CCDC66: variants seen among roughly 807,000 people sequenced by gnomAD.
The protein encoded by CCDC66 is coiled-coil domain containing 66.
In CCDC66, 133 loss-of-function variants were observed where a neutral mutation model predicts 128.3. That is an observed-to-expected ratio of 1.04 (90% CI 0.90 to 1.20). CCDC66 has a LOEUF of 1.20. CCDC66 is among the 50% of genes most tolerant of loss of function. The probability of loss-of-function intolerance (pLI) is 0.00; values close to 1 mark genes in which losing one functional copy is unlikely to be tolerated. For synonymous variants in CCDC66, 387 were observed against 357.0 expected (o/e 1.08, Z -0.95); for missense variants, 1,126 against 1,075.5 (o/e 1.05, Z -0.66).
Position 56,617,533 on chromosome 3 carries a change from C to T in CCDC66, c.2265C>T (p.Gly755=). ...CTGGGCACCTCTCTCAAAACAGAGG[C>T]ATTTCACCAGAAATTTTTCATTCAT... ...NNPGHLSQNR[G]ISPEIFHSSH... is the part of the protein sequence containing the mutation. The change falls in exon 14 of 18, where the codon GGC becomes GGT. Residue 755 remains glycine, a synonymous_variant. Transcript: ENST00000394672. 1 of 1,610,868 alleles carries T rather than the reference C, an allele frequency of 6.2e-7. No homozygotes were observed. Among genetic ancestry groups the T allele is most frequent in the Non-Finnish European group, 8.5e-7 (1 of 1,179,318 alleles).
At chr3:56,563,550 G>C (rs1433203165) in intron 3 of CCDC66, 134 bp from the exon 4 acceptor site, 5 of 639,838 alleles carry the variant, frequency 7.8e-6, no homozygotes, top group Non-Finnish European at 1.3e-5. Flanking sequence ...TTAAGAGTTA[G>C]TTTCTTATGG....
intron 7 of CCDC66, among the ~76,000 whole-genome samples, chr3:56,575,196 C>G (rs1309221606): frequency 2.0e-5 from 3 of 151,872 alleles, no homozygotes; most frequent in East Asian, 2.0e-4. Context: ...AGCAGCTGTA[C>G]CATGTATATT....
intron 7 of CCDC66, among the ~76,000 whole-genome samples, chr3:56,590,033 A>G (rs570634762): frequency 6.6e-6 from 1 of 152,276 alleles, no homozygotes; most frequent in East Asian, 1.9e-4. Context: ...TTCCTCCTGT[A>G]AGGTAATGAA....
At chr3:56,567,288 G>T (rs906790608) in intron 6 of CCDC66, among the ~76,000 whole-genome samples, 12 of 152,190 alleles carry the variant, frequency 7.9e-5, no homozygotes, top group Non-Finnish European at 1.6e-4. Context: ...TACTCGGGAG[G>T]CTGAGGCAGG....
chr3:56,618,067 C>G, intron 14 of CCDC66, 105 bp from the exon 15 acceptor site: 1 of 918,760 alleles, frequency 1.1e-6, no homozygotes, highest in Non-Finnish European at 1.8e-6. Flanking sequence ...ACCTGTTATT[C>G]AAATATTACC....
chr3:56,581,745 C>G (rs553551389), intron 7 of CCDC66, among the ~76,000 whole-genome samples: 7 of 151,874 alleles, frequency 4.6e-5, no homozygotes, highest in Non-Finnish European at 7.3e-5. Context: ...TGCAGAACAG[C>G]AAATGTTGCT....
At position 56,571,317 on chromosome 3, in the gene CCDC66, T is replaced by C. The variant is rs2066579691; in HGVS notation, c.936+15T>C. The C allele has an allele frequency of 6.8e-7, 1 of 1,461,678 alleles. No homozygotes were observed. Among genetic ancestry groups the C allele is most frequent in the Non-Finnish European group, 9.4e-7 (1 of 1,069,052 alleles). The allele number at this position is 1,461,678 out of a possible 1,614,324, so 90.5% of individuals were successfully genotyped here. On this transcript the variant is annotated intron_variant, in intron 7 of 17. Transcript: ENST00000394672. ...ACCAATCTAGGGTAAGACATCTTAA[T>C]TGCAATTTTTAAAATACTAAGCAGT...
At chr3:56,559,202 T>G (rs1010228412) in intron 2 of CCDC66, among the ~76,000 whole-genome samples, 1 of 152,174 alleles carries the variant, frequency 6.6e-6, no homozygotes, top group African/African-American at 2.4e-5. Context: ...CAAGTAAAAT[T>G]TATGTAATTA....
intron 10 of CCDC66, among the ~76,000 whole-genome samples, chr3:56,597,535 C>G (rs1261610628): frequency 6.6e-6 from 1 of 151,886 alleles, no homozygotes; most frequent in Non-Finnish European, 1.5e-5. Context: ...TTGTTTGTAT[C>G]CTCTTTCGTT....
At chr3:56,607,173 G>T (rs1190259316) in intron 10 of CCDC66, among the ~76,000 whole-genome samples, 1 of 152,130 alleles carries the variant, frequency 6.6e-6, no homozygotes, top group Non-Finnish European at 1.5e-5. Flanking sequence ...TTCTAACTCT[G>T]TGAAGAATGA....
At chr3:56,569,232 A>T (rs1277137352) in intron 6 of CCDC66, 2 of 174,434 alleles carry the variant, frequency 1.1e-5, no homozygotes, top group East Asian at 3.2e-4. Flanking sequence ...CTGGAAGTCA[A>T]GTGTGTTAGT....
intron 7 of CCDC66, among the ~76,000 whole-genome samples, chr3:56,583,716 A>C (rs2068844641): frequency 6.6e-6 from 1 of 151,876 alleles, no homozygotes; most frequent in South Asian, 2.1e-4. Context: ...CAGACACAGC[A>C]ACAATCTGAT....
intron 7 of CCDC66, among the ~76,000 whole-genome samples, chr3:56,574,381 G>T (rs1385133665): frequency 7.3e-6 from 1 of 136,440 alleles, no homozygotes; most frequent in Non-Finnish European, 1.6e-5. Flanking sequence ...AAAAAAATCA[G>T]TTTTTATGTA....
chr3:56,575,930 T>C (rs1001643973), intron 7 of CCDC66, among the ~76,000 whole-genome samples: 2 of 151,828 alleles, frequency 1.3e-5, no homozygotes, highest in Admixed American at 1.3e-4. Context: ...CATTAGTCTG[T>C]CTGTATGCTA....
intron 10 of CCDC66, among the ~76,000 whole-genome samples, chr3:56,612,832 T>A: frequency 6.6e-6 from 1 of 152,286 alleles, no homozygotes; most frequent in South Asian, 2.1e-4. Context: ...GCTTGGTTAC[T>A]GGTGGAGATG....
intron 7 of CCDC66, among the ~76,000 whole-genome samples, chr3:56,575,041 C>A (rs1353933883): frequency 1.3e-5 from 2 of 151,764 alleles, no homozygotes; most frequent in Non-Finnish European, 2.9e-5. Context: ...TGCTTCAATT[C>A]TTTTGGGTGT....
intron 10 of CCDC66, among the ~76,000 whole-genome samples, chr3:56,596,708 A>G (rs1490549825): frequency 6.7e-5 from 10 of 150,376 alleles, no homozygotes; most frequent in Admixed American, 5.3e-4. Flanking sequence ...GTTTTCTTCT[A>G]GTAGGTTTAC....
At chr3:56,567,269 A>G (rs1220097300) in intron 6 of CCDC66, among the ~76,000 whole-genome samples, 2 of 152,140 alleles carry the variant, frequency 1.3e-5, no homozygotes, top group African/African-American at 2.4e-5. Flanking sequence ...GCACGCCTGT[A>G]ATCCCAGCTA....
intron 7 of CCDC66, among the ~76,000 whole-genome samples, chr3:56,578,890 G>A (rs540592972): frequency 2.3e-4 from 35 of 151,852 alleles, no homozygotes; most frequent in African/African-American, 7.5e-4. Flanking sequence ...TTGTGTCTTT[G>A]CCAGGCTTTG....
Sources: gnomAD v4.1 joint callset for allele counts (sites outside exome capture counted in the v4.1 genomes callset) on GRCh38, gnomAD v4.1.1 for gene constraint, MANE v1.5 for transcripts, NCBI Gene and HGNC (gene_info 2026-07-23, HGNC 2026-07-21) for gene names.